YTHDC1: variants seen among roughly 807,000 people sequenced by gnomAD.
YTHDC1 encodes YTH N6-methyladenosine RNA binding protein C1.
In YTHDC1, 12 loss-of-function variants were observed where a neutral mutation model predicts 107.0. The observed-to-expected ratio is 0.11, with a 90% CI of 0.07 to 0.18. The LOEUF is 0.18. YTHDC1 is among the 10% of genes least tolerant of loss of function. The probability of loss-of-function intolerance (pLI) is 1.00; values close to 1 mark genes in which losing one functional copy is unlikely to be tolerated. For missense variants in YTHDC1, 635 were observed against 898.8 expected (o/e 0.71, Z 3.75); for synonymous variants, 280 against 289.5 (o/e 0.97, Z 0.33).
At chr4:68,327,039 C>T (rs1220305300) in intron 9 of YTHDC1, among the ~76,000 whole-genome samples, 1 of 150,792 alleles carries the variant, frequency 6.6e-6, no homozygotes, top group African/African-American at 2.4e-5. Flanking sequence ...GAGTTCGAGA[C>T]CAGCCTAACC....
At chr4:68,335,561 T>C (rs1159803096) in intron 4 of YTHDC1, among the ~76,000 whole-genome samples, 2 of 151,680 alleles carry the variant, frequency 1.3e-5, no homozygotes, top group Non-Finnish European at 2.9e-5. Flanking sequence ...CCTACCCATT[T>C]AAGTAAGTTC....
chr4:68,332,219 A>C (rs1269329586), intron 6 of YTHDC1, 22 bp from the exon 7 acceptor site: 1 of 1,532,950 alleles, frequency 6.5e-7, no homozygotes, highest in Non-Finnish European at 8.9e-7. Context: ...AGAAACCCAA[A>C]TCGATTAACC....
intron 11 of YTHDC1, among the ~76,000 whole-genome samples, chr4:68,320,435 C>A (rs183021987): frequency 1.3e-5 from 2 of 152,088 alleles, no homozygotes; most frequent in Non-Finnish European, 2.9e-5. Flanking sequence ...CCAACTCATG[C>A]TATGATGAGA....
chr4:68,346,252 CTAA>C (rs945344834), intron 1 of YTHDC1, among the ~76,000 whole-genome samples: 4 of 151,778 alleles, frequency 2.6e-5, no homozygotes, highest in African/African-American at 9.7e-5. Context: ...CTCGTCTCTA[CTAA>C]AAATAAAAAA....
Position 68,322,533 on chromosome 4 carries a change from C to T in YTHDC1, c.1601+216G>A. The T allele has an allele frequency of 1.9e-6, 1 of 536,848 alleles. No homozygotes were observed. Among genetic ancestry groups the T allele is most frequent in the Non-Finnish European group, 3.2e-6 (1 of 307,824 alleles). The allele number at this position is 536,848 out of a possible 1,614,324, so 33.3% of individuals were successfully genotyped here. ...TGGTTATCACTGGTTATACTTTTTT[C>T]TGCATAAGGAAAGATCCCCATTTTC... On this transcript the variant is annotated intron_variant, in intron 11 of 16. Transcript: ENST00000344157. This position sits in a 1 kb window ranked among gnomAD's most constrained non-coding sequence, Gnocchi z 4.8.
intron 16 of YTHDC1, among the ~76,000 whole-genome samples, chr4:68,314,795 T>G (rs902233638): frequency 6.6e-6 from 1 of 152,196 alleles, no homozygotes; most frequent in Non-Finnish European, 1.5e-5. Flanking sequence ...GTTCCAGATT[T>G]TCTTTCAAAC....
intron 4 of YTHDC1, among the ~76,000 whole-genome samples, chr4:68,334,083 C>T (rs925620600): frequency 3.9e-5 from 6 of 152,076 alleles, no homozygotes; most frequent in Admixed American, 2.6e-4. Flanking sequence ...GTTTGGATTA[C>T]CTGCCATGTA....
intron 9 of YTHDC1, among the ~76,000 whole-genome samples, chr4:68,324,633 C>G (rs1722787784): frequency 6.6e-6 from 1 of 152,186 alleles, no homozygotes; most frequent in South Asian, 2.1e-4. Context: ...CAAAAAGAAG[C>G]TGGACCTTAA....
At position 68,337,558 on chromosome 4, in the gene YTHDC1, A is replaced by G. The variant is rs779170978; in HGVS notation, c.459+14T>C. Reference sequence around the variant, plus strand: ...AATGGCTTTCTGTTTTATATCTGCAATAATATTTACTACCTCAGAACCATC... The same window carrying G: ...AATGGCTTTCTGTTTTATATCTGCAGTAATATTTACTACCTCAGAACCATC... On this transcript the variant is annotated intron_variant, in intron 3 of 16. Transcript: ENST00000344157. 4.4e-6 allele frequency: 7 copies of G among 1,590,780 alleles called. No homozygotes were observed. The East Asian group carries it at 8.9e-5, about 20-fold the overall frequency.
At chr4:68,323,918 T>C (rs1485699912) in intron 10 of YTHDC1, among the ~76,000 whole-genome samples, 1 of 152,224 alleles carries the variant, frequency 6.6e-6, no homozygotes, top group Non-Finnish European at 1.5e-5. Context: ...TTTCCTTCAA[T>C]TGTATCAAAT....
intron 7 of YTHDC1, among the ~76,000 whole-genome samples, chr4:68,331,687 C>T (rs1723598597): frequency 6.6e-6 from 1 of 151,804 alleles, no homozygotes; most frequent in South Asian, 2.1e-4. Flanking sequence ...AAAAATAAAA[C>T]TCTCCATAAA....
At chr4:68,320,936 G>A (rs1341877382) in intron 11 of YTHDC1, among the ~76,000 whole-genome samples, 1 of 151,886 alleles carries the variant, frequency 6.6e-6, no homozygotes, top group Non-Finnish European at 1.5e-5. Context: ...AAATTGGCAA[G>A]TAATGGGTCA....
intron 11 of YTHDC1, 54 bp from the exon 12 acceptor site, chr4:68,320,259 G>C (rs1722306523): frequency 2.2e-6 from 3 of 1,346,868 alleles, no homozygotes; most frequent in African/African-American, 1.5e-5. Flanking sequence ...GGAGAACAAA[G>C]AGTAAAGCAA....
chr4:68,349,630 A>AGCCCC, intron 1 of YTHDC1, 96 bp downstream of exon 1: 184 of 153,342 alleles, frequency 1.2e-3, no homozygotes, highest in South Asian at 2.3e-3. Flanking sequence ...TAACCTCCCC[A>AGCCCC]ACCCCCACCC....
intron 1 of YTHDC1, among the ~76,000 whole-genome samples, chr4:68,344,365 C>A (rs1303368503): frequency 6.6e-6 from 1 of 151,642 alleles, no homozygotes; most frequent in East Asian, 2.0e-4. Flanking sequence ...CACTAAGGCA[C>A]AGGAACATCA....
intron 6 of YTHDC1, 22 bp downstream of exon 6, chr4:68,332,772 C>G (rs1281659868): frequency 6.2e-7 from 1 of 1,609,420 alleles, no homozygotes; most frequent in Non-Finnish European, 8.5e-7. Flanking sequence ...GCAATGAAAA[C>G]AATTTCAAAT....
chr4:68,321,351 T>G (rs1722428646), intron 11 of YTHDC1, among the ~76,000 whole-genome samples: 1 of 152,200 alleles, frequency 6.6e-6, no homozygotes, highest in Non-Finnish European at 1.5e-5. Flanking sequence ...AATTAAAAGC[T>G]GGTTTAAAAA....
chr4:68,345,662 T>A (rs918322301), intron 1 of YTHDC1, among the ~76,000 whole-genome samples: 1 of 152,132 alleles, frequency 6.6e-6, no homozygotes, highest in East Asian at 1.9e-4. Context: ...ATACTATAGG[T>A]AAAATAAATA....
In YTHDC1 at chr4:68,311,797, T is replaced by C. The variant is rs1259506134; in HGVS notation, c.*2302A>G. ...AACATACAAAGCATAACTTAACATC[T>C]AATTGGATGGCACTTTAGAAAAATC... On this transcript the variant is annotated 3_prime_UTR_variant, in exon 17 of 17. Coordinates refer to ENST00000344157, the MANE Select transcript of YTHDC1 (RefSeq NM_001031732.4). 3 of 152,192 alleles carry C rather than the reference T, an allele frequency of 2.0e-5. No individual in the cohort carries two copies. Among genetic ancestry groups the C allele is most frequent in the Non-Finnish European group, 4.4e-5 (3 of 68,032 alleles). 9.4% of individuals were successfully genotyped at this position (152,192 alleles called of 1,614,324 possible).
Sources: allele counts gnomAD v4.1 joint callset (sites outside exome capture counted in the v4.1 genomes callset), GRCh38; gene constraint gnomAD v4.1.1; non-coding constraint Gnocchi (gnomAD v3.1); transcripts MANE v1.5; gene names NCBI Gene and HGNC (gene_info 2026-07-23, HGNC 2026-07-21).